PTPRD: variants seen among roughly 807,000 people sequenced by gnomAD.
The protein encoded by PTPRD is receptor-type tyrosine-protein phosphatase delta.
A neutral mutation model predicts 214.5 loss-of-function variants in PTPRD; 34 were observed. That is an observed-to-expected ratio of 0.16 (90% CI 0.12 to 0.21). PTPRD has a LOEUF of 0.21. Among genes scored for constraint, PTPRD ranks in the 10% least tolerant of loss-of-function variants. The probability of loss-of-function intolerance (pLI) is 1.00; values close to 1 mark genes in which losing one functional copy is unlikely to be tolerated. For missense variants in PTPRD, 2,545 were observed against 2,398.7 expected (o/e 1.06, Z -1.27); for synonymous variants, 1,128 against 845.7 (o/e 1.33, Z -5.79).
chr9:8,400,777 T>C (rs1402968722), intron 36 of PTPRD, among the ~76,000 whole-genome samples: 2 of 152,182 alleles, frequency 1.3e-5, no homozygotes, highest in East Asian at 3.9e-4. Context: ...AGTTTTCTCA[T>C]CTATAAATGT....
chr9:10,175,768 T>C (rs1053303314), intron 3 of PTPRD, among the ~76,000 whole-genome samples: 1 of 152,000 alleles, frequency 6.6e-6, no homozygotes, highest in Admixed American at 6.6e-5. Flanking sequence ...AGTATGACCA[T>C]ATATAGCCTT....
intron 11 of PTPRD, among the ~76,000 whole-genome samples, chr9:8,841,488 G>A (rs777272592): frequency 6.6e-6 from 1 of 151,400 alleles, no homozygotes; most frequent in Non-Finnish European, 1.5e-5. Context: ...TCATGATTCT[G>A]AGCAAACATG....
intron 4 of PTPRD, among the ~76,000 whole-genome samples, chr9:9,947,472 TA>T (rs2092831098): frequency 6.5e-5 from 1 of 15,364 alleles, no homozygotes; most frequent in Non-Finnish European, 8.3e-5. Context: ...TACTATATAT[TA>T]TATATATTTT....
At chr9:9,477,559 T>TG (rs2095151702) in intron 8 of PTPRD, among the ~76,000 whole-genome samples, 3 of 152,208 alleles carry the variant, frequency 2.0e-5, no homozygotes, top group African/African-American at 7.2e-5. Flanking sequence ...ATCACTGATA[T>TG]GAGGCTGGTG....
At chr9:8,891,786 A>G (rs1218602464) in intron 11 of PTPRD, among the ~76,000 whole-genome samples, 1 of 152,152 alleles carries the variant, frequency 6.6e-6, no homozygotes, top group Non-Finnish European at 1.5e-5. Context: ...GAGTTCTAGG[A>G]ACCACTGGAA....
chr9:10,178,300 C>T (rs1381148537), intron 3 of PTPRD, among the ~76,000 whole-genome samples: 3 of 151,738 alleles, frequency 2.0e-5, no homozygotes, highest in Admixed American at 1.3e-4. Context: ...TGTTTCTTTC[C>T]ACCTTCCCTA....
intron 2 of PTPRD, among the ~76,000 whole-genome samples, chr9:10,410,285 A>ACAAT (rs149864190): frequency 7.1e-6 from 1 of 141,352 alleles, no homozygotes; most frequent in Non-Finnish European, 1.5e-5. Context: ...ACACACACAC[A>ACAAT]ATATATAATA....
At chr9:9,790,645 T>C (rs1157295823) in intron 5 of PTPRD, among the ~76,000 whole-genome samples, 2 of 152,258 alleles carry the variant, frequency 1.3e-5, no homozygotes, top group South Asian at 2.1e-4. Flanking sequence ...CAAAGAAAAA[T>C]AACAAGGACT....
intron 27 of PTPRD, among the ~76,000 whole-genome samples, chr9:8,491,642 T>C (rs1017153102): frequency 2.0e-5 from 3 of 148,070 alleles, no homozygotes; most frequent in African/African-American, 7.6e-5. Flanking sequence ...TTAAATTAGC[T>C]TGATACAATG....
intron 2 of PTPRD, among the ~76,000 whole-genome samples, chr9:10,382,922 G>C (rs1284374787): frequency 6.7e-6 from 1 of 150,366 alleles, no homozygotes; most frequent in African/African-American, 2.4e-5. Flanking sequence ...AGAGTGAGGA[G>C]AGAGACCGTC....
chr9:9,016,071 C>A (rs440238), intron 11 of PTPRD, among the ~76,000 whole-genome samples: 58,403 of 151,932 alleles, frequency 0.38, 11,484 homozygotes, highest in Middle Eastern at 0.48. Flanking sequence ...GATTAAAAAA[C>A]ATGCTCACTA....
At chr9:9,690,575 A>G (rs757752622) in intron 7 of PTPRD, among the ~76,000 whole-genome samples, 1 of 151,846 alleles carries the variant, frequency 6.6e-6, no homozygotes, top group African/African-American at 2.4e-5. Context: ...GCATTTCCCC[A>G]AAGTTAGCTT....
intron 7 of PTPRD, among the ~76,000 whole-genome samples, chr9:9,727,160 T>C (rs1422852779): frequency 1.3e-5 from 2 of 152,126 alleles, no homozygotes; most frequent in Non-Finnish European, 1.5e-5. Flanking sequence ...AGAATCACTA[T>C]ATAAATTATT....
intron 14 of PTPRD, among the ~76,000 whole-genome samples, chr9:8,543,036 G>T (rs1458640511): frequency 6.6e-6 from 1 of 152,168 alleles, no homozygotes; most frequent in Non-Finnish European, 1.5e-5. Flanking sequence ...AATAATTTGA[G>T]TTGTGTTCCT....
intron 3 of PTPRD, among the ~76,000 whole-genome samples, chr9:10,109,402 T>C (rs970489963): frequency 6.6e-6 from 1 of 152,180 alleles, no homozygotes; most frequent in Non-Finnish European, 1.5e-5. Flanking sequence ...AGTTGTTTGC[T>C]GTAAGAAGTA....
At chr9:8,397,661 C>A (rs548501178) in intron 36 of PTPRD, among the ~76,000 whole-genome samples, 6 of 152,260 alleles carry the variant, frequency 3.9e-5, no homozygotes, top group African/African-American at 1.4e-4. Context: ...GGCTAAGACA[C>A]AACTGAAACC....
At chr9:9,333,579 C>A (rs1223617889) in intron 9 of PTPRD, among the ~76,000 whole-genome samples, 6 of 148,114 alleles carry the variant, frequency 4.1e-5, no homozygotes, top group Non-Finnish European at 7.4e-5. Context: ...GGACTTAACG[C>A]AGAATTAATA....
intron 7 of PTPRD, among the ~76,000 whole-genome samples, chr9:9,609,573 G>A (rs769628204): frequency 2.0e-5 from 3 of 151,976 alleles, no homozygotes; most frequent in East Asian, 1.9e-4. Context: ...AGCAATTCTC[G>A]TGCCTCAGCC....
intron 9 of PTPRD, among the ~76,000 whole-genome samples, chr9:9,368,996 G>C (rs956226427): frequency 1.3e-5 from 2 of 151,902 alleles, no homozygotes; most frequent in Non-Finnish European, 2.9e-5. Flanking sequence ...CCATCTATGA[G>C]TGAGAACATG....
Sources: allele counts gnomAD v4.1 joint callset (sites outside exome capture counted in the v4.1 genomes callset), GRCh38; gene constraint gnomAD v4.1.1; transcripts MANE v1.5; gene names NCBI Gene and HGNC (gene_info 2026-07-23, HGNC 2026-07-21).